BMPR2: variants seen among roughly 807,000 people sequenced by gnomAD.
The protein encoded by BMPR2 is bone morphogenetic protein receptor type 2.
Under a neutral mutation model 100.8 loss-of-function variants are expected in BMPR2, and 29 were observed. The observed-to-expected ratio is 0.29, with a 90% CI of 0.21 to 0.39. The LOEUF is 0.39. Among genes scored for constraint, BMPR2 ranks in the 10% least tolerant of loss-of-function variants. The pLI, the probability that BMPR2 is intolerant of heterozygous loss-of-function variation, is 1.00. For synonymous variants in BMPR2, 382 were observed against 442.3 expected (o/e 0.86, Z 1.71); for missense variants, 1,011 against 1,274.5 (o/e 0.79, Z 3.15).
At chr2:202,542,597 T>G in intron 10 of BMPR2, 150 bp downstream of exon 10, 1 of 1,057,258 alleles carries the variant, frequency 9.5e-7, no homozygotes, top group Non-Finnish European at 1.4e-6. Context: ...TGTTTTCAAA[T>G]TTTTCAATAT....
In BMPR2 at chr2:202,464,956, G is replaced by A; in HGVS notation, c.224G>A (p.Gly75Glu). 1 of 1,613,972 alleles carries A rather than the reference G, an allele frequency of 6.2e-7. No individual in the cohort carries two copies. Among genetic ancestry groups the A allele is most frequent in the Non-Finnish European group, 8.5e-7 (1 of 1,180,012 alleles). The change falls in exon 2 of 13, where the codon GGG (glycine) becomes GAG (glutamate). Residue 75 changes from glycine to glutamate, a missense_variant. Gly to Glu is a moderately conservative substitution (Grantham distance 98). Coordinates refer to ENST00000374580, the MANE Select transcript of BMPR2 (RefSeq NM_001204.7). Reference sequence around the variant, plus strand: ...TATGGCCTTTGGGAGAAATCAAAAGGGGACATAAATCTTGTAAAACAAGGC... The same window carrying A: ...TATGGCCTTTGGGAGAAATCAAAAGAGGACATAAATCTTGTAAAACAAGGC... ...TCYGLWEKSK[G>E]DINLVKQGCW...
Position 202,555,928 on chromosome 2 carries a change from C to A in BMPR2, c.2263C>A (p.Pro755Thr), listed in dbSNP as rs1163371157. The change falls in exon 12 of 13, where the codon CCT (proline) becomes ACT (threonine). Residue 755 changes from proline to threonine, a missense_variant. Physicochemically the swap from Pro to Thr is conservative, Grantham distance 38. Transcript: ENST00000374580. ...LPKQQNLPKR[P>T]TSLPLNTKNS... ...CAAGCAGCAGAACCTTCCCAAGAGA[C>A]CTACTAGTTTGCCTTTGAACACCAA... is the stretch of plus-strand genomic sequence containing the variant. The A allele has an allele frequency of 6.2e-7, 1 of 1,614,056 alleles. No individual in the cohort carries two copies. Among genetic ancestry groups the A allele is most frequent in the African/African-American group, 1.3e-5 (1 of 74,934 alleles).
At chr2:202,489,672 G>A (rs770645480) in intron 3 of BMPR2, among the ~76,000 whole-genome samples, 20 of 152,102 alleles carry the variant, frequency 1.3e-4, no homozygotes, top group Non-Finnish European at 2.4e-4. Context: ...TTTTAACAGT[G>A]TTAAAAATTC....
intron 1 of BMPR2, among the ~76,000 whole-genome samples, chr2:202,410,209 T>A (rs1363539003): frequency 6.6e-6 from 1 of 151,998 alleles, no homozygotes; most frequent in Non-Finnish European, 1.5e-5. Context: ...GGTCTCAAAC[T>A]CCTGACCTCA....
intron 2 of BMPR2, among the ~76,000 whole-genome samples, 178 bp from the exon 3 acceptor site, chr2:202,467,341 C>G (rs889794361): frequency 6.6e-6 from 1 of 152,146 alleles, no homozygotes; most frequent in Non-Finnish European, 1.5e-5. Context: ...CATGAAATGT[C>G]TTTGGTATCC....
Position 202,532,821 on chromosome 2 carries a change from G to T in BMPR2, c.1276+89G>T. 1 of 1,411,306 alleles carries T rather than the reference G, an allele frequency of 7.1e-7. No homozygotes were observed. The highest frequency in any genetic ancestry group is 1.2e-5 in the South Asian group (1 of 81,976). 87.4% of individuals were successfully genotyped at this position (1,411,306 alleles called of 1,614,324 possible). The stretch of plus-strand genomic sequence containing the variant: ...CTATAGTACCTAACTCAACTTTTAT[G>T]TAAGAATCTTTTTACTTTCATTTAA... On this transcript the variant is annotated intron_variant, in intron 9 of 12. Coordinates refer to ENST00000374580, the MANE Select transcript of BMPR2 (RefSeq NM_001204.7). The surrounding 1 kb of genome is among the most constrained non-coding windows in gnomAD (Gnocchi z 4.1).
intron 10 of BMPR2, among the ~76,000 whole-genome samples, chr2:202,552,329 AGAGAT>A (rs1441335464): frequency 6.6e-6 from 1 of 152,226 alleles, no homozygotes; most frequent in Non-Finnish European, 1.5e-5. Context: ...AAGCTCACCT[AGAGAT>A]AGAAGACAGC....
intron 1 of BMPR2, among the ~76,000 whole-genome samples, chr2:202,446,210 G>A (rs1691845947): frequency 6.7e-6 from 1 of 150,268 alleles, no homozygotes. Flanking sequence ...AGACCAGCCT[G>A]ACAACATGGA....
chr2:202,520,229 A>G (rs376273215), intron 7 of BMPR2, 28 bp downstream of exon 7: 1 of 1,490,438 alleles, frequency 6.7e-7, no homozygotes, highest in Non-Finnish European at 9.4e-7. Flanking sequence ...TGAAATTGAC[A>G]CTCATGTGGG....
At position 202,503,758 on chromosome 2, in the gene BMPR2, G is replaced by A. The variant is rs891557647; in HGVS notation, c.419-9961G>A. On this transcript the variant is annotated intron_variant, in intron 3 of 12. Transcript: ENST00000374580. This position sits in a 1 kb window ranked among gnomAD's most constrained non-coding sequence, Gnocchi z 4.0. ...CACCCAAGGGCTGAGGAGTGTGAGC[G>A]CACGGTGTGGGACTGGCAGGCAGCT... is the stretch of plus-strand genomic sequence containing the variant. 1.7e-4 allele frequency among the ~76,000 whole-genome samples: 26 copies of A among 152,342 alleles called. No individual in the cohort carries two copies. The highest frequency in any genetic ancestry group is 2.9e-4 in the African/African-American group (12 of 41,584).
intron 1 of BMPR2, among the ~76,000 whole-genome samples, chr2:202,464,029 C>T (rs1221716629): frequency 6.6e-6 from 1 of 151,912 alleles, no homozygotes; most frequent in Non-Finnish European, 1.5e-5. Context: ...CGTGGTGGCA[C>T]ATGCCTGTAA....
chr2:202,536,890 AG>A (rs1260690136), intron 9 of BMPR2, among the ~76,000 whole-genome samples: 5 of 147,944 alleles, frequency 3.4e-5, no homozygotes, highest in African/African-American at 1.3e-4. Context: ...AAAAAAAAAA[AG>A]AAGTACTTTT....
intron 3 of BMPR2, among the ~76,000 whole-genome samples, chr2:202,506,680 T>C (rs1050229183): frequency 6.6e-6 from 1 of 151,774 alleles, no homozygotes; most frequent in Non-Finnish European, 1.5e-5. Flanking sequence ...GCGGGTGGAT[T>C]ACGAGGTCAG....
intron 1 of BMPR2, among the ~76,000 whole-genome samples, chr2:202,446,590 A>G (rs1004283743): frequency 4.7e-5 from 7 of 150,040 alleles, no homozygotes; most frequent in Non-Finnish European, 1.0e-4. Context: ...AATACTCATG[A>G]TCCTACCACA....
At chr2:202,492,437 C>T (rs781423473) in intron 3 of BMPR2, among the ~76,000 whole-genome samples, 2 of 151,952 alleles carry the variant, frequency 1.3e-5, no homozygotes, top group East Asian at 1.9e-4. Context: ...TGGTGACTCA[C>T]GCTTGTAATC....
intron 1 of BMPR2, among the ~76,000 whole-genome samples, chr2:202,422,619 A>C (rs1049073438): frequency 6.6e-6 from 1 of 151,620 alleles, no homozygotes; most frequent in African/African-American, 2.4e-5. Context: ...AAGTTTTTTA[A>C]GTTAGCCATT....
intron 1 of BMPR2, among the ~76,000 whole-genome samples, chr2:202,430,274 G>T (rs1047535244): frequency 3.9e-5 from 6 of 152,092 alleles, no homozygotes; most frequent in Non-Finnish European, 5.9e-5. Flanking sequence ...TGAATTTTGG[G>T]GGAACACAGT....
chr2:202,441,556 C>A (rs1691744667), intron 1 of BMPR2, among the ~76,000 whole-genome samples: 1 of 143,350 alleles, frequency 7.0e-6, no homozygotes, highest in Non-Finnish European at 1.5e-5. Context: ...AAAAAAACAA[C>A]AAAAAACAAA....
chr2:202,536,749 G>A (rs963309952), intron 9 of BMPR2, among the ~76,000 whole-genome samples: 10 of 151,714 alleles, frequency 6.6e-5, no homozygotes, highest in Non-Finnish European at 1.5e-4. Context: ...GCACATGCCT[G>A]TAATCCCAGC....
Sources: gnomAD v4.1 joint callset for allele counts (sites outside exome capture counted in the v4.1 genomes callset) on GRCh38, gnomAD v4.1.1 for gene constraint, Gnocchi (gnomAD v3.1) non-coding constraint, MANE v1.5 for transcripts, NCBI Gene and HGNC (gene_info 2026-07-23, HGNC 2026-07-21) for gene names.